Variants in ARHGAP28 observed in about 807,000 individuals in gnomAD.
ARHGAP28 encodes Rho GTPase activating protein 28.
ARHGAP28 carries 56 observed loss-of-function variants against 90.7 expected under a neutral mutation model. The ratio of observed to expected loss-of-function variants is 0.62; its 90% CI spans 0.50 to 0.77. The LOEUF is 0.77. Ranked by LOEUF, ARHGAP28 falls within the 30% of genes least tolerant of loss-of-function variation. The pLI is 0.00. For synonymous variants in ARHGAP28, 308 were observed against 323.3 expected (o/e 0.95, Z 0.51); for missense variants, 869 against 900.9 (o/e 0.96, Z 0.45).
chr18:6,768,396 T>G (rs959341362), intron 1 of ARHGAP28, among the ~76,000 whole-genome samples: 2 of 152,178 alleles, frequency 1.3e-5, no homozygotes, highest in African/African-American at 2.4e-5. Context: ...CTTTTAAAGT[T>G]TTGTTAAGGG....
At chr18:6,813,234 T>C (rs2056568763) in intron 1 of ARHGAP28, among the ~76,000 whole-genome samples, 1 of 152,216 alleles carries the variant, frequency 6.6e-6, no homozygotes, top group Non-Finnish European at 1.5e-5. Context: ...TTCAAGAAAC[T>C]CCATGCATTC....
At chr18:6,807,584 T>C (rs1402217566) in intron 1 of ARHGAP28, among the ~76,000 whole-genome samples, 2 of 152,188 alleles carry the variant, frequency 1.3e-5, no homozygotes, top group African/African-American at 4.8e-5. Flanking sequence ...CTATCCATGG[T>C]CTTATAAATT....
At chr18:6,844,720 T>G (rs1032817558) in intron 3 of ARHGAP28, among the ~76,000 whole-genome samples, 15 of 151,988 alleles carry the variant, frequency 9.9e-5, no homozygotes, top group African/African-American at 3.6e-4. Context: ...AACGGTCAAC[T>G]GGTAAGTTAA....
At chr18:6,843,263 G>A (rs554927942) in intron 3 of ARHGAP28, among the ~76,000 whole-genome samples, 8 of 152,054 alleles carry the variant, frequency 5.3e-5, no homozygotes, top group Non-Finnish European at 1.2e-4. Flanking sequence ...TGCCACCGAG[G>A]CAGGTGTCAC....
At chr18:6,839,368 A>G (rs952814375) in intron 3 of ARHGAP28, among the ~76,000 whole-genome samples, 4 of 144,544 alleles carry the variant, frequency 2.8e-5, no homozygotes, top group Non-Finnish European at 5.9e-5. Context: ...ATCTCGGCTC[A>G]CTGCAAGCTC....
chr18:6,897,907 C>CAA (rs1368199910), intron 16 of ARHGAP28: 2 of 151,964 alleles, frequency 1.3e-5, no homozygotes, highest in African/African-American at 2.4e-5. Flanking sequence ...CACACACACA[C>CAA]AAATGAGTAT....
intron 1 of ARHGAP28, among the ~76,000 whole-genome samples, chr18:6,812,281 G>T (rs1157930672): frequency 6.6e-6 from 1 of 152,114 alleles, no homozygotes; most frequent in Non-Finnish European, 1.5e-5. Context: ...ATATCACTTG[G>T]CTAGCCATCA....
Position 6,889,979 on chromosome 18 carries a change from T to C in ARHGAP28, c.1628T>C (p.Leu543Pro), listed in dbSNP as rs745879875. The change falls in exon 13 of 18, where the codon CTT (leucine) becomes CCT (proline). Residue 543 changes from leucine (L) to proline (P), a missense_variant. Physicochemically the swap from Leu to Pro is moderately conservative, Grantham distance 98. Transcript: ENST00000383472. ...ATTTCTACAGTGATGGCACCAAACC[T>C]TTTCTTCAGTAGAAGCAAACACTCT... The part of the protein sequence containing the change: ...WNISTVMAPN[L>P]FFSRSKHSDY... 1 of 1,614,168 alleles carries C rather than the reference T, an allele frequency of 6.2e-7. No individual in the cohort carries two copies. Among genetic ancestry groups the C allele is most frequent in the South Asian group, 1.1e-5 (1 of 91,088 alleles).
intron 4 of ARHGAP28, among the ~76,000 whole-genome samples, chr18:6,857,969 G>A (rs2056967136): frequency 6.6e-6 from 1 of 152,172 alleles, no homozygotes; most frequent in Non-Finnish European, 1.5e-5. Flanking sequence ...AGGTTGGTTA[G>A]GATGCAGGCT....
intron 16 of ARHGAP28, among the ~76,000 whole-genome samples, chr18:6,899,594 C>A (rs2057327655): frequency 6.6e-6 from 1 of 152,182 alleles, no homozygotes; most frequent in Non-Finnish European, 1.5e-5. Flanking sequence ...AATGGATCTG[C>A]CATCCACCAC....
chr18:6,814,036 A>G (rs140695189), intron 1 of ARHGAP28, among the ~76,000 whole-genome samples: 240 of 152,296 alleles, frequency 1.6e-3, no homozygotes, highest in African/African-American at 5.5e-3. Flanking sequence ...CAGAATGGTT[A>G]TTCTCCAGGG....
intron 3 of ARHGAP28, among the ~76,000 whole-genome samples, chr18:6,839,549 G>C (rs552571833): frequency 6.6e-6 from 1 of 152,028 alleles, no homozygotes; most frequent in Non-Finnish European, 1.5e-5. Flanking sequence ...CGCCTGCCTC[G>C]GCCTCCCAAA....
At chr18:6,875,204 A>C (rs1231050872) in intron 9 of ARHGAP28, among the ~76,000 whole-genome samples, 2 of 152,248 alleles carry the variant, frequency 1.3e-5, no homozygotes, top group East Asian at 3.8e-4. Context: ...ATATGGATTT[A>C]TATCATATTG....
chr18:6,830,016 T>G (rs2056702733), intron 2 of ARHGAP28, among the ~76,000 whole-genome samples: 1 of 152,178 alleles, frequency 6.6e-6, no homozygotes, highest in Non-Finnish European at 1.5e-5. Context: ...GACACCACAT[T>G]GTGCCATTTT....
chr18:6,841,811 C>A (rs558927985), intron 3 of ARHGAP28, among the ~76,000 whole-genome samples: 2 of 152,184 alleles, frequency 1.3e-5, no homozygotes, highest in Non-Finnish European at 2.9e-5. Flanking sequence ...AAAAATTCAT[C>A]CTGGTCAGTA....
intron 3 of ARHGAP28, among the ~76,000 whole-genome samples, chr18:6,847,705 A>T (rs1032908293): frequency 5.3e-5 from 8 of 152,056 alleles, no homozygotes; most frequent in African/African-American, 1.9e-4. Context: ...TGTAAAATAT[A>T]TTAGCTTAAA....
At chr18:6,763,398 A>G (rs1002256511) in intron 1 of ARHGAP28, among the ~76,000 whole-genome samples, 2 of 152,126 alleles carry the variant, frequency 1.3e-5, no homozygotes, top group Admixed American at 6.5e-5. Flanking sequence ...AGATGATTTT[A>G]TCATCCTAAA....
chr18:6,837,378 G>A lies in ARHGAP28; in HGVS notation c.507G>A (p.Arg169=). The A allele has an allele frequency of 6.2e-7, 1 of 1,613,854 alleles. No homozygotes were observed. The highest frequency in any genetic ancestry group is 1.1e-5 in the South Asian group (1 of 91,062). Residue 169 remains arginine (R), a synonymous_variant, in exon 3 of 18, where the codon AGG becomes AGA. Transcript: ENST00000383472. ...TMRKKDKQSI[R]DVRDIFGVSE... is the part of the protein sequence containing the mutation. ...GGAAAAAGGATAAGCAATCTATCAGGGATGTCAGAGACATTTTTGGAGTCA... is the reference window on the plus strand; with the variant it reads ...GGAAAAAGGATAAGCAATCTATCAGAGATGTCAGAGACATTTTTGGAGTCA...
intron 3 of ARHGAP28, among the ~76,000 whole-genome samples, chr18:6,841,203 C>CTCCTCTCTCTCTCTCTCTCTCT (rs754874496): frequency 2.4e-5 from 1 of 41,972 alleles, no homozygotes. Context: ...CTCTCTCTCT[C>CTCCTCTCTCTCTCTCTCTCTCT]CTCTCCTCTC....
Sources: allele counts gnomAD v4.1 joint callset (sites outside exome capture counted in the v4.1 genomes callset), GRCh38; gene constraint gnomAD v4.1.1; transcripts MANE v1.5; gene names NCBI Gene and HGNC (gene_info 2026-07-23, HGNC 2026-07-21).